Variants in RANBP3 observed in about 807,000 individuals in gnomAD.
The protein encoded by RANBP3 is RAN binding protein 3.
A neutral mutation model predicts 77.3 loss-of-function variants in RANBP3; 14 were observed. The ratio of observed to expected loss-of-function variants is 0.18; its 90% CI spans 0.12 to 0.28. RANBP3 has a LOEUF of 0.28. Among genes scored for constraint, RANBP3 ranks in the 10% least tolerant of loss-of-function variants. RANBP3 has a pLI of 1.00. For synonymous variants in RANBP3, 315 were observed against 312.4 expected, an observed-to-expected ratio of 1.01 and a Z score of -0.09; for missense variants, 586 against 752.3, an observed-to-expected ratio of 0.78 and a Z score of 2.59.
chr19:5,968,403 C>T (rs1444319029), intron 1 of RANBP3, among the ~76,000 whole-genome samples: 4 of 152,182 alleles, frequency 2.6e-5, no homozygotes, highest in African/African-American at 9.7e-5. Flanking sequence ...TGTTATTTCA[C>T]CCCAGGCAGC....
intron 11 of RANBP3, 63 bp from the exon 12 acceptor site, chr19:5,923,977 G>A (rs2057865445): frequency 8.4e-6 from 11 of 1,303,158 alleles, no homozygotes; most frequent in South Asian, 1.2e-5. Flanking sequence ...CAGCAGCTCT[G>A]AGCACCTCTC....
chr19:5,927,874 C>G, intron 9 of RANBP3, 94 bp downstream of exon 9: 2 of 1,483,958 alleles, frequency 1.3e-6, no homozygotes, highest in Non-Finnish European at 1.8e-6. Flanking sequence ...CCCACGCTCC[C>G]CTCCCCTGTT....
At chr19:5,972,343 C>G (rs1599806089) in intron 1 of RANBP3, among the ~76,000 whole-genome samples, 1 of 152,214 alleles carries the variant, frequency 6.6e-6, no homozygotes, top group African/African-American at 2.4e-5. Flanking sequence ...GCCAAGACTA[C>G]TGAGGAGGAA....
chr19:5,951,692 G>C, intron 2 of RANBP3, 96 bp from the exon 3 acceptor site: 1 of 1,096,796 alleles, frequency 9.1e-7, no homozygotes, highest in Non-Finnish European at 1.3e-6. Flanking sequence ...AGCTGGCTCA[G>C]CTTGCAGCAG....
In RANBP3 at chr19:5,924,832, C is replaced by T; in HGVS notation, c.991G>A (p.Val331Ile). 6.2e-7 allele frequency: 1 copy of T among 1,614,064 alleles called. No individual in the cohort carries two copies. Among genetic ancestry groups the T allele is most frequent in the Non-Finnish European group, 8.5e-7 (1 of 1,179,860 alleles). Residue 331 changes from valine (V) to isoleucine (I), a missense_variant, in exon 11 of 17, where the codon GTT becomes ATT. Around this residue, in one of 5 missense-constraint regions of RANBP3, gnomAD observed 232 missense variants for 271.7 expected, o/e 0.85. Transcript: ENST00000340578. This position sits in a 1 kb window ranked among gnomAD's most constrained non-coding sequence, Gnocchi z 4.7. The stretch of plus-strand genomic sequence containing the variant: ...TTCCCAACACAGCCACTCACCAAAA[C>T]TCGCTCGCTCATGTTCTGGCCAAAT... Reference protein sequence around the residue: ...FVFGQNMSERVLSPPKLNEVS... With the variant: ...FVFGQNMSERILSPPKLNEVS...
intron 9 of RANBP3, among the ~76,000 whole-genome samples, chr19:5,927,022 CG>C (rs2057919771): frequency 6.6e-6 from 1 of 152,106 alleles, no homozygotes; most frequent in South Asian, 2.1e-4. Context: ...CTGCAAGGGG[CG>C]GAGTGGCATC....
chr19:5,941,105 T>C (rs1321807261), intron 5 of RANBP3, among the ~76,000 whole-genome samples: 1 of 152,196 alleles, frequency 6.6e-6, no homozygotes, highest in Non-Finnish European at 1.5e-5. Flanking sequence ...CCTCTGGGAG[T>C]TCACAGCATC....
At chr19:5,933,733 G>A (rs556144362) in intron 5 of RANBP3, 64 of 421,460 alleles carry the variant, frequency 1.5e-4, no homozygotes, top group Non-Finnish European at 2.3e-4. Flanking sequence ...CAGGTGGGGC[G>A]TCAGCCGCCC....
chr19:5,961,409 TCAAAA>T (rs760576600), intron 1 of RANBP3, among the ~76,000 whole-genome samples: 28 of 140,248 alleles, frequency 2.0e-4, no homozygotes, highest in African/African-American at 5.2e-4. Context: ...AGATTCCATC[TCAAAA>T]CAAAACAAAA....
intron 7 of RANBP3, 27 bp downstream of exon 7, chr19:5,932,425 C>T (rs374904138): frequency 6.2e-7 from 1 of 1,605,428 alleles, no homozygotes; most frequent in Non-Finnish European, 8.5e-7. Flanking sequence ...CCGTCTGGGC[C>T]TGGGCGCCAG....
intron 1 of RANBP3, among the ~76,000 whole-genome samples, chr19:5,969,088 A>T (rs1264241094): frequency 1.3e-5 from 2 of 152,144 alleles, no homozygotes; most frequent in East Asian, 3.9e-4. Context: ...GGAAAGGAAG[A>T]GCCTGGAGGC....
chr19:5,959,871 C>T lies in RANBP3; in HGVS notation c.23-1898G>A, dbSNP rs2058378793. 6.6e-6 allele frequency among the ~76,000 whole-genome samples: 1 copy of T among 152,122 alleles called. No individual in the cohort carries two copies. ...AGGAAGGAGCCAGGGTTTGAGCCAG[C>T]TTGGCACTCTCCAACCCCATTTTCT... is the stretch of plus-strand genomic sequence containing the variant. On this transcript the variant is annotated intron_variant, in intron 1 of 16. Coordinates refer to ENST00000340578, the MANE Select transcript of RANBP3 (RefSeq NM_007322.3). This position sits in a 1 kb window ranked among gnomAD's most constrained non-coding sequence, Gnocchi z 5.1.
intron 5 of RANBP3, among the ~76,000 whole-genome samples, chr19:5,940,513 C>T (rs572911423): frequency 2.6e-5 from 4 of 152,278 alleles, no homozygotes; most frequent in South Asian, 4.1e-4. Context: ...CAAAAAGACG[C>T]GGCCATGTCC....
chr19:5,976,587 C>G (rs2058594132), intron 1 of RANBP3: 1 of 152,034 alleles, frequency 6.6e-6, no homozygotes, highest in Admixed American at 6.6e-5. Context: ...GTACTAAAAA[C>G]ACAAAAATTA....
At chr19:5,965,158 C>A (rs1380999737) in intron 1 of RANBP3, among the ~76,000 whole-genome samples, 1 of 151,888 alleles carries the variant, frequency 6.6e-6, no homozygotes, top group Admixed American at 6.6e-5. Context: ...GGAGGTGGGC[C>A]CTTCCTCTAA....
chr19:5,935,382 C>CG (rs1191195503), intron 5 of RANBP3, among the ~76,000 whole-genome samples: 2 of 152,334 alleles, frequency 1.3e-5, no homozygotes, highest in South Asian at 4.1e-4. Context: ...CTGCAGGATG[C>CG]GGGGGTGAGC....
In RANBP3 at chr19:5,932,430, C is replaced by A. The variant is rs367898474; in HGVS notation, c.565+22G>T. On this transcript the variant is annotated intron_variant, in intron 7 of 16. Transcript: ENST00000340578. ...CTCTACCCTGCCGTCTGGGCCTGGG[C>A]GCCAGGGCTGCTGTTTCTTACCAGT... The A allele has an allele frequency of 2.4e-5, 38 of 1,607,278 alleles. No homozygotes were observed. In the East Asian group the frequency reaches 7.1e-4, roughly 30 times the overall value.
chr19:5,963,278 C>A (rs1375852196), intron 1 of RANBP3, among the ~76,000 whole-genome samples: 2 of 152,178 alleles, frequency 1.3e-5, no homozygotes, highest in Non-Finnish European at 2.9e-5. Context: ...CAATACGAGG[C>A]ACAGTGGCTC....
chr19:5,945,805 G>T (rs2058196618), intron 3 of RANBP3, among the ~76,000 whole-genome samples: 1 of 151,732 alleles, frequency 6.6e-6, no homozygotes, highest in South Asian at 2.1e-4. Context: ...GTGTGGCTCC[G>T]GGGCTCCCAA....
Sources: gnomAD v4.1 joint callset for allele counts (sites outside exome capture counted in the v4.1 genomes callset) on GRCh38, gnomAD v4.1.1 for gene constraint, gnomAD v4.1.1 regional missense constraint, Gnocchi (gnomAD v3.1) non-coding constraint, MANE v1.5 for transcripts, NCBI Gene and HGNC (gene_info 2026-07-23, HGNC 2026-07-21) for gene names.